Variants in ARHGAP15 observed in about 807,000 individuals in gnomAD.
ARHGAP15 encodes rho GTPase-activating protein 15.
A neutral mutation model predicts 63.7 loss-of-function variants in ARHGAP15; 51 were observed. That is an observed-to-expected ratio of 0.80 (90% confidence interval 0.64 to 1.01). The LOEUF is 1.01. Ranked by LOEUF, ARHGAP15 falls within the 50% of genes least tolerant of loss-of-function variation. The pLI, the probability that ARHGAP15 is intolerant of heterozygous loss-of-function variation, is 0.00. For missense variants in ARHGAP15, 560 were observed against 564.6 expected, an observed-to-expected ratio of 0.99 and a Z score of 0.08; for synonymous variants, 191 against 193.8, an observed-to-expected ratio of 0.99 and a Z score of 0.12.
chr2:143,522,793 G>C (rs144432126), intron 10 of ARHGAP15, among the ~76,000 whole-genome samples: 1 of 152,130 alleles, frequency 6.6e-6, no homozygotes, highest in African/African-American at 2.4e-5. Flanking sequence ...GGTTGGGAAA[G>C]CTTGATGTAG....
At chr2:143,541,798 C>T (rs561037708) in intron 10 of ARHGAP15, among the ~76,000 whole-genome samples, 63 of 152,310 alleles carry the variant, frequency 4.1e-4, no homozygotes, top group African/African-American at 1.4e-3. Flanking sequence ...CTGGGGGATG[C>T]CTCCCAGCTA....
intron 6 of ARHGAP15, among the ~76,000 whole-genome samples, chr2:143,341,394 G>A (rs1685051622): frequency 6.6e-6 from 1 of 152,114 alleles, no homozygotes; most frequent in Admixed American, 6.6e-5. Flanking sequence ...GAAGCTAACA[G>A]ATTCCTCAGA....
intron 3 of ARHGAP15, among the ~76,000 whole-genome samples, chr2:143,214,431 A>T (rs1450319902): frequency 2.0e-5 from 3 of 152,200 alleles, no homozygotes; most frequent in Non-Finnish European, 2.9e-5. Context: ...TTAAACACTA[A>T]ATTTATTATA....
intron 6 of ARHGAP15, among the ~76,000 whole-genome samples, chr2:143,365,812 T>C (rs1304009590): frequency 2.0e-5 from 3 of 152,162 alleles, no homozygotes; most frequent in East Asian, 3.8e-4. Flanking sequence ...CACAACTATT[T>C]TTGCTTCAAT....
chr2:143,718,135 T>C (rs1684892018), intron 13 of ARHGAP15, among the ~76,000 whole-genome samples: 2 of 152,110 alleles, frequency 1.3e-5, no homozygotes, highest in South Asian at 4.1e-4. Flanking sequence ...ACATATTATA[T>C]ATGAGATTTC....
At chr2:143,657,203 C>T (rs1681493263) in intron 12 of ARHGAP15, among the ~76,000 whole-genome samples, 2 of 151,998 alleles carry the variant, frequency 1.3e-5, no homozygotes, top group Admixed American at 6.6e-5. Flanking sequence ...AAAAATTAGC[C>T]GGGCGTTGCG....
chr2:143,736,692 A>G (rs1685758946), intron 13 of ARHGAP15, among the ~76,000 whole-genome samples: 2 of 152,166 alleles, frequency 1.3e-5, no homozygotes, highest in Admixed American at 1.3e-4. Context: ...AACAGTTACT[A>G]CTCTGTATAT....
chr2:143,554,597 G>A (rs186440613), intron 10 of ARHGAP15, among the ~76,000 whole-genome samples: 7 of 151,910 alleles, frequency 4.6e-5, no homozygotes, highest in Admixed American at 3.3e-4. Flanking sequence ...AATTTCATAG[G>A]TTAAAACTAA....
intron 6 of ARHGAP15, among the ~76,000 whole-genome samples, chr2:143,268,219 A>G (rs1681095197): frequency 6.7e-6 from 1 of 148,642 alleles, no homozygotes; most frequent in Admixed American, 6.7e-5. Context: ...GTTAAATCCT[A>G]TTTTTCTAAT....
At chr2:143,365,821 A>G (rs987008948) in intron 6 of ARHGAP15, among the ~76,000 whole-genome samples, 14 of 152,212 alleles carry the variant, frequency 9.2e-5, no homozygotes, top group Admixed American at 3.9e-4. Flanking sequence ...TTTTGCTTCA[A>G]TGCACAAATA....
chr2:143,664,795 T>G (rs1437414958), intron 12 of ARHGAP15, among the ~76,000 whole-genome samples: 3 of 151,874 alleles, frequency 2.0e-5, no homozygotes, highest in Admixed American at 6.6e-5. Flanking sequence ...ACACCTCTAC[T>G]CAAATAAACC....
chr2:143,665,771 A>G (rs1193705324), intron 12 of ARHGAP15, among the ~76,000 whole-genome samples: 5 of 151,888 alleles, frequency 3.3e-5, no homozygotes, highest in African/African-American at 1.2e-4. Flanking sequence ...TTATACACCA[A>G]TAACAGACAA....
intron 6 of ARHGAP15, among the ~76,000 whole-genome samples, chr2:143,370,911 G>T (rs1352168793): frequency 6.6e-6 from 1 of 152,132 alleles, no homozygotes; most frequent in African/African-American, 2.4e-5. Context: ...TGAAAGACAA[G>T]ATACCTTGTT....
rs569753822 is a variant in ARHGAP15, at chr2:143,148,150, G to C, written c.-14-7327G>C. Among the ~76,000 whole-genome samples the C allele has an allele frequency of 3.3e-5, 5 of 152,054 alleles. 1 individual carries two copies. The South Asian group carries it at 1.0e-3, about 32-fold the overall frequency. Reference sequence around the variant, plus strand: ...GTTCACTCCCCTTTCCTTAAATCTTGTGATCTCAGCCTGCACTGCTCTTGA... The same window carrying C: ...GTTCACTCCCCTTTCCTTAAATCTTCTGATCTCAGCCTGCACTGCTCTTGA... On this transcript the variant is annotated intron_variant, in intron 1 of 13. Coordinates refer to ENST00000295095, the MANE Select transcript of ARHGAP15 (RefSeq NM_018460.4).
In ARHGAP15 at chr2:143,616,562, C is replaced by T. The variant is rs570851391; in HGVS notation, c.1004-7571C>T. Among the ~76,000 whole-genome samples the T allele has an allele frequency of 2.0e-5, 3 of 152,268 alleles. No homozygotes were observed. In the East Asian group the frequency reaches 5.8e-4, roughly 29 times the overall value. The stretch of plus-strand genomic sequence containing the variant: ...GTGCCAAAGTAGCCCATTAGATGTT[C>T]AGAAATAAAAGCTTTTAAAGAAAAG... On this transcript the variant is annotated intron_variant, in intron 11 of 13. Coordinates refer to ENST00000295095, the MANE Select transcript of ARHGAP15 (RefSeq NM_018460.4).
In ARHGAP15 at chr2:143,346,172, ACT is replaced by A. The variant is rs72188499; in HGVS notation, c.475-89419_475-89418del. ...CAAATGAGCACACACACACACACAC[ACT>A]CTCTCTCTCACACACACACTCTCTC... On this transcript the variant is annotated intron_variant, in intron 6 of 13. Coordinates refer to ENST00000295095, the MANE Select transcript of ARHGAP15 (RefSeq NM_018460.4). Among the ~76,000 whole-genome samples, 447 of 138,880 alleles carry A rather than the reference ACT, an allele frequency of 3.2e-3. 3 individuals carry two copies. Among genetic ancestry groups the A allele is most frequent in the Non-Finnish European group, 5.0e-3 (321 of 64,412 alleles). The allele number at this position is 138,880 out of a possible 152,430, so 91.1% of individuals were successfully genotyped here. A position where few individuals can be genotyped will look rare whatever the true frequency, so the allele number is the denominator to read the frequency against.
At chr2:143,281,018 A>G (rs548068057) in intron 6 of ARHGAP15, among the ~76,000 whole-genome samples, 21 of 152,286 alleles carry the variant, frequency 1.4e-4, no homozygotes, top group Middle Eastern at 3.4e-3. Context: ...TACTTACTAC[A>G]TGCTAGACAC....
intron 2 of ARHGAP15, among the ~76,000 whole-genome samples, chr2:143,166,068 A>AAAC (rs879755118): frequency 2.6e-5 from 4 of 151,168 alleles, no homozygotes; most frequent in Non-Finnish European, 5.9e-5. Flanking sequence ...AAAGAAAAAA[A>AAAC]ATATCTTCTT....
chr2:143,701,629 G>T (rs1368306910), intron 12 of ARHGAP15, among the ~76,000 whole-genome samples: 1 of 152,174 alleles, frequency 6.6e-6, no homozygotes, highest in African/African-American at 2.4e-5. Flanking sequence ...TACTCAGGAG[G>T]CTGAGGCAGG....
Sources: gnomAD v4.1 joint callset for allele counts (sites outside exome capture counted in the v4.1 genomes callset) on GRCh38, gnomAD v4.1.1 for gene constraint, MANE v1.5 for transcripts, NCBI Gene and HGNC (gene_info 2026-07-23, HGNC 2026-07-21) for gene names.